TNKS: variants seen among roughly 807,000 people sequenced by gnomAD.
The protein encoded by TNKS is tankyrase.
In TNKS, 72 loss-of-function variants were observed where a neutral mutation model predicts 135.8. The ratio of observed to expected loss-of-function variants is 0.53; its 90% confidence interval spans 0.44 to 0.64. The LOEUF is 0.64. Among genes scored for constraint, TNKS ranks in the 30% least tolerant of loss-of-function variants. The pLI is 0.00. For missense variants in TNKS, 1,769 were observed against 1,674.0 expected (o/e 1.06, Z -0.99); for synonymous variants, 849 against 649.3 (o/e 1.31, Z -4.68).
At chr8:9,694,389 A>T (rs1803417274) in intron 5 of TNKS, among the ~76,000 whole-genome samples, 1 of 152,176 alleles carries the variant, frequency 6.6e-6, no homozygotes, top group Admixed American at 6.5e-5. Context: ...TACACAAGTA[A>T]ATAACTATTA....
intron 3 of TNKS, among the ~76,000 whole-genome samples, chr8:9,673,000 T>C (rs899338085): frequency 6.6e-6 from 1 of 152,228 alleles, no homozygotes; most frequent in Non-Finnish European, 1.5e-5. Flanking sequence ...GGTTAACAGC[T>C]TCTAGAGGAA....
intron 11 of TNKS, among the ~76,000 whole-genome samples, chr8:9,712,813 C>T (rs963974768): frequency 6.6e-6 from 1 of 152,068 alleles, no homozygotes. Context: ...TCACTTGAGC[C>T]CAAGAGGTCG....
intron 1 of TNKS, among the ~76,000 whole-genome samples, chr8:9,564,781 A>C (rs752168302): frequency 6.6e-6 from 1 of 152,190 alleles, no homozygotes; most frequent in Non-Finnish European, 1.5e-5. Flanking sequence ...GTAAGAATTG[A>C]ATAGGATTAG....
At chr8:9,621,930 A>C (rs1799881867) in intron 3 of TNKS, among the ~76,000 whole-genome samples, 1 of 152,210 alleles carries the variant, frequency 6.6e-6, no homozygotes, top group Non-Finnish European at 1.5e-5. Flanking sequence ...TTAGTATTAC[A>C]GCAAAGGAAG....
intron 1 of TNKS, among the ~76,000 whole-genome samples, chr8:9,568,110 G>A (rs1416728972): frequency 6.6e-6 from 1 of 152,144 alleles, no homozygotes; most frequent in Non-Finnish European, 1.5e-5. Context: ...CACATTTTTT[G>A]AGAGTGACCT....
chr8:9,651,358 T>C (rs916644819), intron 3 of TNKS, among the ~76,000 whole-genome samples: 1 of 152,182 alleles, frequency 6.6e-6, no homozygotes, highest in Non-Finnish European at 1.5e-5. Context: ...AGGAAAGTGA[T>C]TGACATATGC....
In TNKS at chr8:9,723,410, C is replaced by T. The variant is rs535010265; in HGVS notation, c.1921+2865C>T. ...ATTTTATAAGATTCATTTAAATACA[C>T]TTGTTAATACGGGTTTGAGATCTAC... On this transcript the variant is annotated intron_variant, in intron 12 of 26. Transcript: ENST00000310430. 3.2e-3 allele frequency among the ~76,000 whole-genome samples: 244 copies of T among 75,232 alleles called. 3 individuals are homozygous for T. The highest frequency in any genetic ancestry group is 0.032 in the East Asian group (86 of 2,652). 49.4% of individuals were successfully genotyped at this position (75,232 alleles called of 152,430 possible).
chr8:9,734,141 C>G (rs1192120001), intron 15 of TNKS, among the ~76,000 whole-genome samples: 2 of 152,002 alleles, frequency 1.3e-5, no homozygotes, highest in Non-Finnish European at 2.9e-5. Flanking sequence ...GAGAAAAACA[C>G]AATATCTGAT....
At chr8:9,768,071 C>A (rs1480876023) in intron 25 of TNKS, among the ~76,000 whole-genome samples, 1 of 151,208 alleles carries the variant, frequency 6.6e-6, no homozygotes, top group Non-Finnish European at 1.5e-5. Context: ...CCTCTGGAGA[C>A]AAAAATGAAC....
At chr8:9,579,869 G>A (rs1798104090) in intron 1 of TNKS, among the ~76,000 whole-genome samples, 1 of 152,178 alleles carries the variant, frequency 6.6e-6, no homozygotes, top group Admixed American at 6.5e-5. Flanking sequence ...TCCTGGATAA[G>A]TCTTGTCATA....
intron 3 of TNKS, among the ~76,000 whole-genome samples, chr8:9,653,378 A>G (rs1801214747): frequency 6.6e-6 from 1 of 152,084 alleles, no homozygotes; most frequent in African/African-American, 2.4e-5. Context: ...CTATAAGTGA[A>G]TAATCAAGAC....
chr8:9,752,973 A>AG (rs574430182), intron 20 of TNKS, among the ~76,000 whole-genome samples: 125 of 152,016 alleles, frequency 8.2e-4, no homozygotes, highest in African/African-American at 2.8e-3. Flanking sequence ...TCGAAAAAAA[A>AG]AAAAAAAAGA....
intron 3 of TNKS, among the ~76,000 whole-genome samples, chr8:9,663,721 G>A (rs1801845553): frequency 6.6e-6 from 1 of 152,138 alleles, no homozygotes; most frequent in Non-Finnish European, 1.5e-5. Flanking sequence ...ACAGAACTCA[G>A]GAAGATATGT....
Position 9,698,374 on chromosome 8 carries a change from GAAA to G in TNKS, c.1108-6274_1108-6272del, listed in dbSNP as rs34311181. On this transcript the variant is annotated intron_variant, in intron 5 of 26. Transcript: ENST00000310430. ...GTATCTAAAAGTTAAATTTTAAAAT[GAAA>G]AAAAAAAAAAAAAAGCTTAAGTATA... Among the ~76,000 whole-genome samples, 26 of 98,764 alleles carry G rather than the reference GAAA, an allele frequency of 2.6e-4. 1 individual carries two copies. In the South Asian group the frequency reaches 6.9e-3, roughly 26 times the overall value. The allele number at this position is 98,764 out of a possible 152,430, so 64.8% of individuals were successfully genotyped here.
chr8:9,725,088 A>G (rs1392318218), intron 12 of TNKS, among the ~76,000 whole-genome samples: 2 of 152,240 alleles, frequency 1.3e-5, no homozygotes, highest in Non-Finnish European at 2.9e-5. Flanking sequence ...GAGACATAAT[A>G]TACACACAGC....
rs769811033 is a variant in TNKS, at chr8:9,761,590, C to T, written c.3228C>T (p.Arg1076=). The change falls in exon 21 of 27, where the codon CGC becomes CGT. Residue 1076 remains arginine, a synonymous_variant. Coordinates refer to ENST00000310430, the MANE Select transcript of TNKS (RefSeq NM_003747.3). ...TAGGCATCAATGCATATGGGCACCG[C>T]CACAAATTAATCAAAGGAGTAGAAA... ...KEIGINAYGH[R]HKLIKGVERL... The T allele has an allele frequency of 1.2e-6, 2 of 1,603,360 alleles. No homozygotes were observed. Among genetic ancestry groups the T allele is most frequent in the South Asian group, 2.3e-5 (2 of 88,384 alleles).
chr8:9,597,660 T>C lies in TNKS; in HGVS notation c.898+17277T>C, dbSNP rs117428847. Among the ~76,000 whole-genome samples the C allele has an allele frequency of 1.8e-3, 279 of 152,296 alleles. 1 individual carries two copies. The highest frequency in any genetic ancestry group is 0.014 in the Admixed American group (208 of 15,292). On this transcript the variant is annotated intron_variant, in intron 2 of 26. Transcript: ENST00000310430. ...TATCGTGGTTTGCTGTAACCAAATA[T>C]TAAGTGTATGAAATAATTGGTTAAT...
chr8:9,775,459 C>CTATATA lies in TNKS; in HGVS notation c.3898-1151_3898-1146dup, dbSNP rs59789406. 5.3e-3 allele frequency among the ~76,000 whole-genome samples: 427 copies of CTATATA among 80,542 alleles called. 10 individuals are homozygous for CTATATA. Among genetic ancestry groups the CTATATA allele is most frequent in the Middle Eastern group, 0.015 (2 of 136 alleles). The allele number at this position is 80,542 out of a possible 152,430, so 52.8% of individuals were successfully genotyped here. ...ACGGAAAAGAATATTATGAATGGTT[C>CTATATA]TATATATATATATATATATATATAT... On this transcript the variant is annotated intron_variant, in intron 26 of 26. Transcript: ENST00000310430.
At chr8:9,754,780 G>T (rs1236125581) in intron 20 of TNKS, among the ~76,000 whole-genome samples, 1 of 152,112 alleles carries the variant, frequency 6.6e-6, no homozygotes, top group Non-Finnish European at 1.5e-5. Flanking sequence ...ATGCATCACA[G>T]GTGCCTTTGC....
Sources: gnomAD v4.1 joint callset for allele counts (sites outside exome capture counted in the v4.1 genomes callset) on GRCh38, gnomAD v4.1.1 for gene constraint, MANE v1.5 for transcripts, NCBI Gene and HGNC (gene_info 2026-07-23, HGNC 2026-07-21) for gene names.